Variants in KHDRBS3 observed in about 807,000 individuals in gnomAD.
KHDRBS3 encodes KH RNA binding domain containing, signal transduction associated 3.
Under a neutral mutation model 45.6 loss-of-function variants are expected in KHDRBS3, and 23 were observed. The observed-to-expected ratio is 0.50, with a 90% CI of 0.36 to 0.72. The LOEUF (loss-of-function observed/expected upper bound fraction) is 0.72. Ranked by LOEUF, KHDRBS3 falls within the 30% of genes least tolerant of loss-of-function variation. The pLI is 0.00. For synonymous variants in KHDRBS3, 162 were observed against 156.5 expected (o/e 1.04, Z -0.26); for missense variants, 352 against 424.8 (o/e 0.83, Z 1.51).
chr8:135,493,254 GT>G (rs909101289), intron 1 of KHDRBS3, among the ~76,000 whole-genome samples: 8 of 150,618 alleles, frequency 5.3e-5, no homozygotes, highest in African/African-American at 1.2e-4. Context: ...TTTCTGGATA[GT>G]TTTTTTTTCT....
At chr8:135,469,535 T>TA (rs1821896446) in intron 1 of KHDRBS3, among the ~76,000 whole-genome samples, 5 of 89,238 alleles carry the variant, frequency 5.6e-5, no homozygotes, top group African/African-American at 2.1e-4. Context: ...TTTTTTTTTT[T>TA]TTTTTTTTTT....
intron 3 of KHDRBS3, 116 bp from the exon 4 acceptor site, chr8:135,548,638 G>C (rs185112479): frequency 1.2e-6 from 1 of 805,114 alleles, no homozygotes; most frequent in Non-Finnish European, 1.8e-6. Context: ...TGTGACAACC[G>C]CTTGCCAGAT....
chr8:135,636,198 G>A (rs980235921), intron 7 of KHDRBS3, among the ~76,000 whole-genome samples: 3 of 152,150 alleles, frequency 2.0e-5, no homozygotes, highest in Non-Finnish European at 4.4e-5. Context: ...AATGGCCCCA[G>A]GTGCTTTTCC....
At chr8:135,646,940 G>C (rs1831314189) in intron 8 of KHDRBS3, 53 bp from the exon 9 acceptor site, 1 of 962,386 alleles carries the variant, frequency 1.0e-6, no homozygotes, top group Non-Finnish European at 1.7e-6. Flanking sequence ...GAAAAATGAA[G>C]CCTGTGGGAT....
At chr8:135,650,592 T>C (rs1388583677), downstream of KHDRBS3, among the ~76,000 whole-genome samples, 3 of 152,262 alleles carry the variant, frequency 2.0e-5, no homozygotes, top group African/African-American at 7.2e-5. Flanking sequence ...ACCTTATAAC[T>C]GGTAGAGCCC....
chr8:135,534,128 T>G (rs965433719), intron 2 of KHDRBS3, among the ~76,000 whole-genome samples: 4 of 152,206 alleles, frequency 2.6e-5, no homozygotes, highest in African/African-American at 9.6e-5. Flanking sequence ...TCCTCCTTTT[T>G]ACTTTCTACT....
rs1276572476 is a variant in KHDRBS3 at position 135,547,752 on chromosome 8, G to A, written c.325-1002G>A. On this transcript the variant is annotated intron_variant, in intron 3 of 8. Transcript: ENST00000355849. ...TGGTTATGGGATAGCCTTTTTGAGA[G>A]ACTAGAAAGATTTCTTATCTTTTGG... 2.0e-5 allele frequency among the ~76,000 whole-genome samples: 3 copies of A among 152,132 alleles called. No homozygotes were observed. In the East Asian group the frequency reaches 5.8e-4, roughly 29 times the overall value.
intron 5 of KHDRBS3, among the ~76,000 whole-genome samples, chr8:135,562,695 C>T (rs373684115): frequency 2.6e-5 from 4 of 152,086 alleles, no homozygotes; most frequent in Non-Finnish European, 5.9e-5. Context: ...CAAAAACGTA[C>T]GTATTACAAC....
chr8:135,520,402 A>G (rs1586654011), intron 1 of KHDRBS3, among the ~76,000 whole-genome samples: 1 of 152,170 alleles, frequency 6.6e-6, no homozygotes, highest in Non-Finnish European at 1.5e-5. Flanking sequence ...ATGAAATTTT[A>G]TGCTAAAATT....
rs1223996920 is a variant in KHDRBS3 at position 135,573,102 on chromosome 8, T to TCTC, written c.612-8776_612-8775insCTC. On this transcript the variant is annotated intron_variant, in intron 5 of 8. Transcript: ENST00000355849. Reference sequence around the variant, plus strand: ...TGATAGAAGACTAAGGCCCTGTCACTAGATCTTGCAGGCCCCACTCTGTAG... The same window carrying TCTC: ...TGATAGAAGACTAAGGCCCTGTCACTCTCAGATCTTGCAGGCCCCACTCTGTAG... 2.6e-5 allele frequency among the ~76,000 whole-genome samples: 4 copies of TCTC among 152,082 alleles called. 1 individual carries two copies. The highest frequency in any genetic ancestry group is 1.3e-4 in the Admixed American group (2 of 15,276).
At chr8:135,616,964 G>A (rs1371930627) in intron 7 of KHDRBS3, among the ~76,000 whole-genome samples, 4 of 151,954 alleles carry the variant, frequency 2.6e-5, no homozygotes, top group East Asian at 1.9e-4. Flanking sequence ...AAATGAGGTA[G>A]CATTATTGTT....
In KHDRBS3 at chr8:135,495,560, T is replaced by C. The variant is rs185484794; in HGVS notation, c.89-25677T>C. ...CGATATTTTCTTCTTCCAGAATTTG[T>C]GCCAGTAAACAGCACTTTTACTCCC... On this transcript the variant is annotated intron_variant, in intron 1 of 8. Transcript: ENST00000355849. Among the ~76,000 whole-genome samples the C allele has an allele frequency of 9.2e-5, 14 of 152,362 alleles. No homozygotes were observed. In the East Asian group the frequency reaches 2.7e-3, roughly 29 times the overall value.
chr8:135,631,186 G>C (rs1227648628), intron 7 of KHDRBS3, among the ~76,000 whole-genome samples: 1 of 149,028 alleles, frequency 6.7e-6, no homozygotes, highest in Non-Finnish European at 1.5e-5. Flanking sequence ...GGGAGGTGGA[G>C]GTTGTGGTTA....
At chr8:135,473,594 G>A (rs1822122570) in intron 1 of KHDRBS3, among the ~76,000 whole-genome samples, 2 of 152,234 alleles carry the variant, frequency 1.3e-5, no homozygotes, top group Admixed American at 1.3e-4. Context: ...GATTTCCCCA[G>A]TCCTTTCATT....
At chr8:135,470,221 A>T (rs1433058022) in intron 1 of KHDRBS3, among the ~76,000 whole-genome samples, 1 of 152,162 alleles carries the variant, frequency 6.6e-6, no homozygotes, top group East Asian at 1.9e-4. Context: ...TGATAAAGGA[A>T]ACCGAGCAGG....
chr8:135,605,544 T>C (rs1829420580), intron 6 of KHDRBS3, among the ~76,000 whole-genome samples: 1 of 152,224 alleles, frequency 6.6e-6, no homozygotes, highest in Admixed American at 6.5e-5. Flanking sequence ...TCTTATACTT[T>C]AGTTGGTTAG....
chr8:135,635,638 C>G (rs2131158485), intron 7 of KHDRBS3, among the ~76,000 whole-genome samples: 1 of 152,320 alleles, frequency 6.6e-6, no homozygotes, highest in East Asian at 1.9e-4. Context: ...CTGCCTCGGT[C>G]TCCCAAAGTG....
At chr8:135,533,813 A>C (rs1244332785) in intron 2 of KHDRBS3, among the ~76,000 whole-genome samples, 1 of 152,184 alleles carries the variant, frequency 6.6e-6, no homozygotes, top group Admixed American at 6.5e-5. Context: ...TGAACATCAA[A>C]GCTTAGCCTA....
chr8:135,560,286 T>C (rs962357168), intron 5 of KHDRBS3, among the ~76,000 whole-genome samples: 3 of 152,146 alleles, frequency 2.0e-5, no homozygotes, highest in African/African-American at 7.2e-5. Context: ...TATAACTTTA[T>C]ACAAGTAAGA....
Sources: gnomAD v4.1 joint callset for allele counts (sites outside exome capture counted in the v4.1 genomes callset) on GRCh38, gnomAD v4.1.1 for gene constraint, MANE v1.5 for transcripts, NCBI Gene and HGNC (gene_info 2026-07-23, HGNC 2026-07-21) for gene names.